Variants in NOC3L observed in about 807,000 individuals in gnomAD.
NOC3L encodes the protein NOC3 like DNA replication regulator, also known as nucleolar complex protein 3 homolog.
A neutral mutation model predicts 102.5 loss-of-function variants in NOC3L; 85 were observed. The observed-to-expected ratio is 0.83, with a 90% CI of 0.70 to 0.99. The LOEUF is 0.99. Among genes scored for constraint, NOC3L ranks in the 50% least tolerant of loss-of-function variants. The pLI, the probability that NOC3L is intolerant of heterozygous loss-of-function variation, is 0.00. For synonymous variants in NOC3L, 303 were observed against 309.4 expected (o/e 0.98, Z 0.22); for missense variants, 878 against 914.9 (o/e 0.96, Z 0.52).
At chr10:94,338,564 T>A (rs766350543) in intron 18 of NOC3L, 44 bp downstream of exon 18, 5 of 1,439,244 alleles carry the variant, frequency 3.5e-6, no homozygotes, top group Middle Eastern at 1.9e-4. Context: ...AAAACAATTA[T>A]TCACAAACAT....
Position 94,337,770 on chromosome 10 carries a change from A to G in NOC3L, c.2189+7T>C. The G allele has an allele frequency of 6.3e-7, 1 of 1,592,724 alleles. No individual in the cohort carries two copies. Among genetic ancestry groups the G allele is most frequent in the Non-Finnish European group, 8.6e-7 (1 of 1,161,010 alleles). ...TAGTTTTAGAATAAGGCAATGCTAA[A>G]TATTACCTTCGACTCAACTCTGGTT... On this transcript the variant is annotated splice_region_variant and intron_variant, in intron 19 of 20. Transcript: ENST00000371361.
chr10:94,340,270 A>G lies in NOC3L; in HGVS notation c.1780+6T>C, dbSNP rs1164485932. ...TATAAAAGAAACATTATCTAAACAT[A>G]CATACCTGCATGTAATTTGAACAGT... On this transcript the variant is annotated splice_donor_region_variant and intron_variant, in intron 16 of 20. Coordinates refer to ENST00000371361, the MANE Select transcript of NOC3L (RefSeq NM_022451.11). The G allele has an allele frequency of 2.5e-6, 4 of 1,591,474 alleles. No homozygotes were observed. In the Admixed American group the frequency reaches 6.7e-5, roughly 27 times the overall value.
At chr10:94,339,106 TAGAA>T (rs1269678796) in intron 17 of NOC3L, among the ~76,000 whole-genome samples, 3 of 151,882 alleles carry the variant, frequency 2.0e-5, no homozygotes, top group African/African-American at 7.3e-5. Context: ...TCAAGAGAAA[TAGAA>T]AGAAGCAGAA....
chr10:94,344,980 G>C (rs757590883), intron 11 of NOC3L, 47 bp from the exon 12 acceptor site: 10 of 1,383,920 alleles, frequency 7.2e-6, no homozygotes, highest in Non-Finnish European at 9.0e-6. Context: ...ATACCACAGA[G>C]TGAAAAAAGC....
At chr10:94,344,984 A>G in intron 11 of NOC3L, 51 bp from the exon 12 acceptor site, 1 of 1,318,986 alleles carries the variant, frequency 7.6e-7, no homozygotes, top group Non-Finnish European at 1.1e-6. Flanking sequence ...CACAGAGTGA[A>G]AAAAGCAGAG....
chr10:94,322,583 G>A, the NOC3L span, among the ~76,000 whole-genome samples: 1 of 152,114 alleles, frequency 6.6e-6, no homozygotes, highest in Non-Finnish European at 1.5e-5. Flanking sequence ...TCAGGAGTTC[G>A]AGACCAGCCT....
At position 94,346,532 on chromosome 10, in the gene NOC3L, T is replaced by C. The variant is rs1175709285; in HGVS notation, c.1282A>G (p.Arg428Gly). The change falls in exon 11 of 21, where the codon AGA becomes GGA. Residue 428 changes from arginine (R) to glycine (G), a missense_variant. Arg to Gly is a moderately radical substitution (Grantham distance 125). Coordinates refer to ENST00000371361, the MANE Select transcript of NOC3L (RefSeq NM_022451.11). The part of the protein sequence containing the change: ...PEMLKTFLCL[R>G]IKEVEVKKDT... ...TTTTTCACTTCTACTTCCTTGATTC[T>C]TAGGCATAAAAATGTTTTTAACATC... The C allele has an allele frequency of 1.4e-6, 2 of 1,422,926 alleles. No homozygotes were observed. The highest frequency in any genetic ancestry group is 1.4e-5 in the South Asian group (1 of 71,912). 88.1% of individuals were successfully genotyped at this position (1,422,926 alleles called of 1,614,324 possible).
chr10:94,324,798 G>A, the NOC3L span: 1 of 1,292,842 alleles, frequency 7.7e-7, no homozygotes, highest in South Asian at 1.2e-5. Context: ...CAAAGCTCTA[G>A]AGAGAAGAGG....
At chr10:94,342,300 T>C (rs189358587) in intron 13 of NOC3L, among the ~76,000 whole-genome samples, 1 of 152,268 alleles carries the variant, frequency 6.6e-6, no homozygotes, top group East Asian at 1.9e-4. Context: ...AAGAATCATA[T>C]GAGCTGCTAA....
chr10:94,354,420 T>C (rs1006231335), intron 6 of NOC3L, among the ~76,000 whole-genome samples: 1 of 152,168 alleles, frequency 6.6e-6, no homozygotes, highest in African/African-American at 2.4e-5. Flanking sequence ...GTCTCACAGA[T>C]AGTACTTATC....
chr10:94,335,889 A>G (rs1281253412), intron 19 of NOC3L, among the ~76,000 whole-genome samples: 1 of 152,194 alleles, frequency 6.6e-6, no homozygotes, highest in Non-Finnish European at 1.5e-5. Context: ...GTAAGGTGCT[A>G]TAGTTTCAAT....
chr10:94,353,216 A>C (rs1244936657), intron 6 of NOC3L, among the ~76,000 whole-genome samples, 159 bp from the exon 7 acceptor site: 1 of 152,240 alleles, frequency 6.6e-6, no homozygotes, highest in African/African-American at 2.4e-5. Context: ...CTTTACCAAG[A>C]GATAAGTCAC....
chr10:94,320,327 A>C, the NOC3L span, among the ~76,000 whole-genome samples: 1 of 152,196 alleles, frequency 6.6e-6, no homozygotes, highest in South Asian at 2.1e-4. Flanking sequence ...CACTCATTGA[A>C]AAAAGTTAAA....
At chr10:94,321,920 T>C in the NOC3L span, 21 of 1,613,408 alleles carry the variant, frequency 1.3e-5, no homozygotes, top group Non-Finnish European at 1.7e-5. Context: ...GAGAAAAACA[T>C]TGTTCAAGAT....
rs1395207798 is a variant in NOC3L at position 94,357,257 on chromosome 10, T to C, written c.425A>G (p.Gln142Arg). The change falls in exon 4 of 21, where the codon CAA becomes CGA. Residue 142 changes from glutamine to arginine, a missense_variant. Gln to Arg is a conservative substitution (Grantham distance 43). Coordinates refer to ENST00000371361, the MANE Select transcript of NOC3L (RefSeq NM_022451.11). ...DKYEKIPRTL[Q>R]TAPEKELIHL... ...AATCAGTTCCTTCTCTGGTGCAGTT[T>C]GCAGAGTTCTTGGTATTTTTTCATA... The C allele has an allele frequency of 6.2e-7, 1 of 1,610,258 alleles. No individual in the cohort carries two copies. Among genetic ancestry groups the C allele is most frequent in the South Asian group, 1.1e-5 (1 of 90,230 alleles).
downstream of NOC3L, chr10:94,329,592 A>C (rs1337836655): frequency 6.6e-6 from 1 of 152,128 alleles, no homozygotes; most frequent in East Asian, 1.9e-4. Context: ...ATCCTGGCCA[A>C]CATGGTGAAA....
the NOC3L span, among the ~76,000 whole-genome samples, chr10:94,319,864 C>CCT: frequency 5.4e-5 from 5 of 92,938 alleles, no homozygotes; most frequent in African/African-American, 1.5e-4. Flanking sequence ...CAAAGGTGCT[C>CCT]TTTTTTTTTT....
chr10:94,315,396 A>G, the NOC3L span: 2 of 455,956 alleles, frequency 4.4e-6, no homozygotes, highest in African/African-American at 4.0e-5. Context: ...TCTCACGGGA[A>G]GGCAACAAAG....
the NOC3L span, among the ~76,000 whole-genome samples, chr10:94,322,420 G>C: frequency 3.3e-5 from 5 of 152,046 alleles, no homozygotes; most frequent in Non-Finnish European, 4.4e-5. Flanking sequence ...GGAGGCTGAG[G>C]GGGGCAGATC....
Sources: gnomAD v4.1 joint callset for allele counts (sites outside exome capture counted in the v4.1 genomes callset) on GRCh38, gnomAD v4.1.1 for gene constraint, MANE v1.5 for transcripts, NCBI Gene and HGNC (gene_info 2026-07-23, HGNC 2026-07-21) for gene names.